The following DOCK1 variants were observed in gnomAD, a reference collection of about 807,000 sequenced individuals.
DOCK1 encodes the protein dedicator of cytokinesis protein 1.
DOCK1 carries 138 observed loss-of-function variants against 262.7 expected under a neutral mutation model. That is an observed-to-expected ratio of 0.53 (90% CI 0.46 to 0.61). The LOEUF (loss-of-function observed/expected upper bound fraction) is 0.61, where lower values mean the gene tolerates loss of function less well. DOCK1 is among the 20% of genes least tolerant of loss of function. The pLI, the probability that DOCK1 is intolerant of heterozygous loss-of-function variation, is 0.00. For missense variants in DOCK1, 1,908 were observed against 2,370.7 expected, an observed-to-expected ratio of 0.80 and a Z score of 4.05; for synonymous variants, 866 against 867.4, an observed-to-expected ratio of 1.00 and a Z score of 0.03.
intron 32 of DOCK1, among the ~76,000 whole-genome samples, chr10:127,359,327 G>A (rs11017542): frequency 0.24 from 36,522 of 152,088 alleles, 4,752 homozygotes; most frequent in Middle Eastern, 0.35. Context: ...AGCTACTGTC[G>A]TTTTGGTAGC....
In DOCK1 at chr10:127,332,894, T is replaced by C. The variant is rs531669623; in HGVS notation, c.3045-6112T>C. Among the ~76,000 whole-genome samples, 6 of 152,336 alleles carry C rather than the reference T, an allele frequency of 3.9e-5. No individual in the cohort carries two copies. The South Asian group carries it at 1.2e-3, about 32-fold the overall frequency. Reference sequence around the variant, plus strand: ...TCATTATCTCTCCTTCCCATGGAACTGAAGTGACATTCTCTGCATCTCTAT... The same window carrying C: ...TCATTATCTCTCCTTCCCATGGAACCGAAGTGACATTCTCTGCATCTCTAT... On this transcript the variant is annotated intron_variant, in intron 29 of 51. Transcript: ENST00000623213.
intron 1 of DOCK1, among the ~76,000 whole-genome samples, chr10:126,911,834 A>G (rs2031813794): frequency 1.3e-5 from 2 of 152,212 alleles, no homozygotes; most frequent in Admixed American, 1.3e-4. Flanking sequence ...ATTTGCCATC[A>G]GCCACTGTTC....
At chr10:126,974,413 C>T (rs2038357142) in intron 2 of DOCK1, among the ~76,000 whole-genome samples, 1 of 152,182 alleles carries the variant, frequency 6.6e-6, no homozygotes, top group South Asian at 2.1e-4. Flanking sequence ...TTTTCCTGTG[C>T]TGGACTGTGT....
chr10:127,399,938 A>T (rs2067125303), intron 38 of DOCK1, among the ~76,000 whole-genome samples: 1 of 152,168 alleles, frequency 6.6e-6, no homozygotes, highest in Admixed American at 6.5e-5. Context: ...CAGCAGACTG[A>T]GATATTCCAG....
In DOCK1 at chr10:127,217,112, T is replaced by G. The variant is rs553146281; in HGVS notation, c.2848-30896T>G. On this transcript the variant is annotated intron_variant, in intron 27 of 51. Coordinates refer to ENST00000623213, the MANE Select transcript of DOCK1 (RefSeq NM_001290223.2). ...GGAAGGGGCACAGGCAGGAAAAGAA[T>G]AGGAACATTCCAAAGCCATGTCTCA... 5.8e-4 allele frequency among the ~76,000 whole-genome samples: 88 copies of G among 152,292 alleles called. 1 individual carries two copies. The highest frequency in any genetic ancestry group is 1.5e-3 in the Admixed American group (23 of 15,304).
chr10:127,226,256 A>C (rs1328998444), intron 27 of DOCK1, among the ~76,000 whole-genome samples: 1 of 152,180 alleles, frequency 6.6e-6, no homozygotes, highest in Non-Finnish European at 1.5e-5. Flanking sequence ...ACTTGAAGGC[A>C]GATAAAATTG....
intron 23 of DOCK1, among the ~76,000 whole-genome samples, chr10:127,087,423 G>C (rs2047261128): frequency 6.6e-6 from 1 of 151,936 alleles, no homozygotes; most frequent in Non-Finnish European, 1.5e-5. Flanking sequence ...ATGCTAACAG[G>C]GGCAGGGGAG....
At chr10:127,291,585 C>T (rs933940607) in intron 29 of DOCK1, among the ~76,000 whole-genome samples, 2 of 152,012 alleles carry the variant, frequency 1.3e-5, no homozygotes, top group East Asian at 2.0e-4. Context: ...GGGTCAGTTC[C>T]GTGTGAGAAC....
intron 27 of DOCK1, among the ~76,000 whole-genome samples, chr10:127,228,864 G>A (rs1389729721): frequency 1.3e-5 from 2 of 152,060 alleles, no homozygotes; most frequent in African/African-American, 2.4e-5. Flanking sequence ...TTACATTGTG[G>A]AACAGCTAAA....
chr10:127,043,474 G>A (rs920663499), intron 21 of DOCK1, among the ~76,000 whole-genome samples: 2 of 152,192 alleles, frequency 1.3e-5, no homozygotes, highest in African/African-American at 4.8e-5. Context: ...CTGACACCGC[G>A]GCTTCCTCGC....
intron 44 of DOCK1, among the ~76,000 whole-genome samples, chr10:127,417,662 G>A (rs1400523132): frequency 1.3e-5 from 2 of 152,100 alleles, no homozygotes; most frequent in Non-Finnish European, 2.9e-5. Context: ...TGCAACCCCT[G>A]CCTCCTGGGT....
At chr10:126,908,760 A>G (rs2031320731) in intron 1 of DOCK1, among the ~76,000 whole-genome samples, 1 of 152,196 alleles carries the variant, frequency 6.6e-6, no homozygotes, top group African/African-American at 2.4e-5. Flanking sequence ...ATTAACAGGC[A>G]TAAACCTTGA....
intron 23 of DOCK1, among the ~76,000 whole-genome samples, chr10:127,093,013 A>G (rs1591992973): frequency 1.3e-5 from 2 of 152,056 alleles, no homozygotes; most frequent in East Asian, 1.9e-4. Context: ...AGAGCAAGGC[A>G]TCACCAGGGC....
rs1023565017 is a variant in DOCK1, at chr10:126,995,837, T to C, written c.474-911T>C. Among the ~76,000 whole-genome samples the C allele has an allele frequency of 3.3e-5, 5 of 152,210 alleles. No homozygotes were observed. The highest frequency in any genetic ancestry group is 5.9e-5 in the Non-Finnish European group (4 of 68,038). On this transcript the variant is annotated intron_variant, in intron 6 of 51. Transcript: ENST00000623213. The surrounding 1 kb of genome is among the most constrained non-coding windows in gnomAD (Gnocchi z 5.8). The stretch of plus-strand genomic sequence containing the variant: ...CCATATGTTTGGTGTTCACATACAA[T>C]AGAACATCTGTATTGAAAATCTTCC...
intron 11 of DOCK1, among the ~76,000 whole-genome samples, chr10:127,010,850 T>C (rs886457987): frequency 6.6e-6 from 1 of 152,246 alleles, no homozygotes; most frequent in Non-Finnish European, 1.5e-5. Flanking sequence ...TATTATATAT[T>C]AGACCTCAGA....
chr10:127,043,239 C>A, intron 21 of DOCK1, 75 bp downstream of exon 21: 1 of 1,199,194 alleles, frequency 8.3e-7, no homozygotes, highest in Non-Finnish European at 1.2e-6. Context: ...TTTTCATGTA[C>A]TTTTGTCTAT....
intron 29 of DOCK1, among the ~76,000 whole-genome samples, chr10:127,289,490 G>A (rs2061276497): frequency 6.6e-6 from 1 of 152,148 alleles, no homozygotes; most frequent in South Asian, 2.1e-4. Flanking sequence ...GTGGGTTGAT[G>A]TAATTGGAAG....
At position 127,451,324 on chromosome 10, in the gene DOCK1, T is replaced by C. The variant is rs1237604207; in HGVS notation, c.5566-8T>C. 1 of 1,585,360 alleles carries C rather than the reference T, an allele frequency of 6.3e-7. No homozygotes were observed. The highest frequency in any genetic ancestry group is 8.6e-7 in the Non-Finnish European group (1 of 1,166,038). ...ATGTGACATCTTCCCCATCCTCATG[T>C]TTTTTAGCATCTGCCACCTCCACTG... is the stretch of plus-strand genomic sequence containing the variant. On this transcript the variant is annotated splice_region_variant and splice_polypyrimidine_tract_variant and intron_variant, in intron 51 of 51. Transcript: ENST00000623213.
intron 27 of DOCK1, among the ~76,000 whole-genome samples, chr10:127,142,950 G>T (rs1168171594): frequency 6.6e-6 from 1 of 152,152 alleles, no homozygotes; most frequent in Non-Finnish European, 1.5e-5. Flanking sequence ...TACATCTCAG[G>T]CTGCTCTCCA....
Sources: allele counts gnomAD v4.1 joint callset (sites outside exome capture counted in the v4.1 genomes callset), GRCh38; gene constraint gnomAD v4.1.1; non-coding constraint Gnocchi (gnomAD v3.1); transcripts MANE v1.5; gene names NCBI Gene and HGNC (gene_info 2026-07-23, HGNC 2026-07-21).